Variants in DNAH7 observed in about 807,000 individuals in gnomAD.
The protein encoded by DNAH7 is axonemal beta dynein heavy chain 7.
In DNAH7, 397 loss-of-function variants were observed where a neutral mutation model predicts 444.6. The ratio of observed to expected loss-of-function variants is 0.89; its 90% CI spans 0.82 to 0.97. The LOEUF is 0.97. Ranked by LOEUF, DNAH7 falls within the 50% of genes least tolerant of loss-of-function variation. The pLI, the probability that DNAH7 is intolerant of heterozygous loss-of-function variation, is 0.00. For missense variants in DNAH7, 4,902 were observed against 4,800.8 expected (o/e 1.02, Z -0.62); for synonymous variants, 1,636 against 1,624.4 (o/e 1.01, Z -0.17).
chr2:195,957,540 GTATATAATGTTATA>G lies in DNAH7; in HGVS notation c.2892-107_2892-94del. The G allele has an allele frequency of 5.5e-6, 5 of 908,294 alleles. No individual in the cohort carries two copies. In the African/African-American group the frequency reaches 5.9e-5, roughly 11 times the overall value. The allele number at this position is 908,294 out of a possible 1,614,324, so 56.3% of individuals were successfully genotyped here. A position where few individuals can be genotyped will look rare whatever the true frequency, so the allele number is the denominator to read the frequency against. ...AAACCACAACTAGGTTGTCAATGTT[GTATATAATGTTATA>G]CAATTGTTATACATTATATACAATC... is the stretch of plus-strand genomic sequence containing the variant. On this transcript the variant is annotated intron_variant, in intron 18 of 64. Coordinates refer to ENST00000312428, the MANE Select transcript of DNAH7 (RefSeq NM_018897.3).
At chr2:195,763,382 A>G (rs1694436319) in intron 61 of DNAH7, among the ~76,000 whole-genome samples, 1 of 152,108 alleles carries the variant, frequency 6.6e-6, no homozygotes, top group South Asian at 2.1e-4. Context: ...AAGAAATAAT[A>G]AAAATCAGAG....
At chr2:195,880,228 C>T (rs1701293330) in intron 36 of DNAH7, among the ~76,000 whole-genome samples, 1 of 152,100 alleles carries the variant, frequency 6.6e-6, no homozygotes, top group Admixed American at 6.6e-5. Context: ...TCAACAATTC[C>T]ATGTCCAGGA....
In DNAH7 at chr2:196,047,514, A is replaced by G. The variant is rs1697211628; in HGVS notation, c.251-15T>C. 1 of 1,509,046 alleles carries G rather than the reference A, an allele frequency of 6.6e-7. No individual in the cohort carries two copies. Among genetic ancestry groups the G allele is most frequent in the South Asian group, 1.4e-5 (1 of 70,648 alleles). The allele number at this position is 1,509,046 out of a possible 1,614,324, so 93.5% of individuals were successfully genotyped here. The stretch of plus-strand genomic sequence containing the variant: ...CATGTATTCAGCTTAAATTAAAACA[A>G]AAAAAAAAGCACAATTATTCATCTA... On this transcript the variant is annotated splice_polypyrimidine_tract_variant and intron_variant, in intron 4 of 64. Coordinates refer to ENST00000312428, the MANE Select transcript of DNAH7 (RefSeq NM_018897.3).
chr2:196,009,092 T>C (rs1032471879), intron 10 of DNAH7, among the ~76,000 whole-genome samples: 3 of 152,100 alleles, frequency 2.0e-5, no homozygotes, highest in Non-Finnish European at 2.9e-5. Flanking sequence ...GAGCAAGAAC[T>C]CACTTATTAT....
intron 64 of DNAH7, among the ~76,000 whole-genome samples, chr2:195,740,212 C>T (rs1339476573): frequency 2.6e-5 from 4 of 151,944 alleles, no homozygotes; most frequent in African/African-American, 4.8e-5. Flanking sequence ...CTCAAACTCC[C>T]GACCTCAGGT....
chr2:196,003,768 C>T (rs542400646), intron 10 of DNAH7, among the ~76,000 whole-genome samples: 1 of 152,260 alleles, frequency 6.6e-6, no homozygotes, highest in Admixed American at 6.5e-5. Context: ...GGTCCTTATT[C>T]CATTTTAATC....
intron 63 of DNAH7, among the ~76,000 whole-genome samples, chr2:195,751,566 G>A (rs755499251): frequency 3.4e-4 from 51 of 152,198 alleles, no homozygotes; most frequent in Non-Finnish European, 6.2e-4. Flanking sequence ...TCTGACTGAT[G>A]CTTTGAAGTT....
chr2:195,858,693 T>C lies in DNAH7; in HGVS notation c.7848A>G (p.Leu2616=), dbSNP rs1699857256. The change falls in exon 43 of 65, where the codon TTA becomes TTG. Residue 2616 remains leucine (L), a synonymous_variant. Transcript: ENST00000312428. Reference sequence around the variant, plus strand: ...CATCAACCTCTTTGCTAGCAACTTTTAATTGAGGATGTAGTGCCTCCAACT... The same window carrying C: ...CATCAACCTCTTTGCTAGCAACTTTCAATTGAGGATGTAGTGCCTCCAACT... ...QMELEALHPQ[L]KVASKEVDEM... 1 of 1,614,084 alleles carries C rather than the reference T, an allele frequency of 6.2e-7. No individual in the cohort carries two copies. Among genetic ancestry groups the C allele is most frequent in the East Asian group, 2.2e-5 (1 of 44,886 alleles).
At chr2:195,839,047 CCATT>C (rs1342290247) in intron 47 of DNAH7, among the ~76,000 whole-genome samples, 2 of 151,690 alleles carry the variant, frequency 1.3e-5, no homozygotes, top group African/African-American at 4.8e-5. Flanking sequence ...TTTCAAAATG[CCATT>C]CACTCAATAA....
intron 34 of DNAH7, among the ~76,000 whole-genome samples, chr2:195,885,678 A>G (rs1277854725): frequency 1.3e-5 from 2 of 152,184 alleles, no homozygotes; most frequent in African/African-American, 2.4e-5. Context: ...TTTATTTATT[A>G]CCTACATATT....
chr2:195,744,317 G>C (rs138182774), intron 63 of DNAH7, among the ~76,000 whole-genome samples: 1 of 152,152 alleles, frequency 6.6e-6, no homozygotes, highest in African/African-American at 2.4e-5. Flanking sequence ...GGGGAGGGGC[G>C]CCCGCCATTG....
At chr2:195,988,295 T>C (rs1223087159) in intron 12 of DNAH7, 66 bp from the exon 13 acceptor site, 1 of 1,316,500 alleles carries the variant, frequency 7.6e-7, no homozygotes, top group Non-Finnish European at 1.0e-6. Context: ...TTTATCTTTG[T>C]ACAAACGCCA....
chr2:196,000,908 T>A (rs368597481), intron 11 of DNAH7, 25 bp from the exon 12 acceptor site: 5 of 1,531,728 alleles, frequency 3.3e-6, no homozygotes, highest in South Asian at 2.6e-5. Flanking sequence ...AAAATTTACA[T>A]ACATAAATAT....
chr2:195,858,892 C>T (rs182087506), intron 42 of DNAH7, 88 bp from the exon 43 acceptor site: 21 of 1,133,512 alleles, frequency 1.9e-5, no homozygotes, highest in South Asian at 3.1e-5. Flanking sequence ...GCTTTCTAGG[C>T]TTTTTCAAGA....
In DNAH7 at chr2:195,828,534, G is replaced by A. The variant is rs185044230; in HGVS notation, c.9101-4089C>T. 2.4e-3 allele frequency among the ~76,000 whole-genome samples: 356 copies of A among 151,390 alleles called. 9 individuals carry two copies. The highest frequency in any genetic ancestry group is 0.021 in the Admixed American group (325 of 15,168). On this transcript the variant is annotated intron_variant, in intron 48 of 64. Coordinates refer to ENST00000312428, the MANE Select transcript of DNAH7 (RefSeq NM_018897.3). ...CAGGAGGCAGAGCTTGCAGTGAGCC[G>A]AGATCTTGACACTGTACTCCAGCCT... is the stretch of plus-strand genomic sequence containing the variant.
chr2:196,032,671 A>T (rs1419985111), intron 5 of DNAH7, among the ~76,000 whole-genome samples: 2 of 152,252 alleles, frequency 1.3e-5, no homozygotes, highest in African/African-American at 4.8e-5. Context: ...AGATGGCTTC[A>T]CTAATGAATT....
chr2:195,847,945 C>A (rs1343865545), intron 46 of DNAH7, among the ~76,000 whole-genome samples: 2 of 152,242 alleles, frequency 1.3e-5, no homozygotes, highest in Non-Finnish European at 1.5e-5. Flanking sequence ...GTACTACAAG[C>A]CAAGGTTCGT....
At chr2:196,056,448 G>T (rs892258003) in intron 2 of DNAH7, among the ~76,000 whole-genome samples, 6 of 150,884 alleles carry the variant, frequency 4.0e-5, no homozygotes, top group Non-Finnish European at 7.4e-5. Flanking sequence ...AAAAAGAAAT[G>T]TTTTTTCTTT....
chr2:195,994,867 G>T, intron 12 of DNAH7: 2 of 412,136 alleles, frequency 4.9e-6, no homozygotes, highest in South Asian at 4.3e-5. Context: ...TGCTTCTTTT[G>T]ACAGGCCTTG....
Sources: allele counts gnomAD v4.1 joint callset (sites outside exome capture counted in the v4.1 genomes callset), GRCh38; gene constraint gnomAD v4.1.1; transcripts MANE v1.5; gene names NCBI Gene and HGNC (gene_info 2026-07-23, HGNC 2026-07-21).